Variants in CCDC57 observed in about 807,000 individuals in gnomAD.
CCDC57 encodes the protein coiled-coil domain containing 57.
A neutral mutation model predicts 118.9 loss-of-function variants in CCDC57; 118 were observed. The observed-to-expected ratio is 0.99, with a 90% CI of 0.86 to 1.16. The LOEUF (loss-of-function observed/expected upper bound fraction) is 1.16, where lower values mean the gene tolerates loss of function less well. Ranked by LOEUF, CCDC57 falls within the 50% of genes most tolerant of loss-of-function variation. The pLI, the probability that CCDC57 is intolerant of heterozygous loss-of-function variation, is 0.00. For missense variants in CCDC57, 1,300 were observed against 1,320.7 expected, an observed-to-expected ratio of 0.98 and a Z score of 0.24; for synonymous variants, 527 against 532.9, an observed-to-expected ratio of 0.99 and a Z score of 0.15.
Position 82,132,759 on chromosome 17 carries a change from C to CTTTTTTT in CCDC57, c.2577+1307_2577+1313dup, listed in dbSNP as rs71166188. 3.1e-4 allele frequency among the ~76,000 whole-genome samples: 39 copies of CTTTTTTT among 123,920 alleles called. 10 individuals are homozygous for CTTTTTTT. Among genetic ancestry groups the CTTTTTTT allele is most frequent in the Non-Finnish European group, 3.0e-4 (18 of 59,732 alleles). The allele number at this position is 123,920 out of a possible 152,430, so 81.3% of individuals were successfully genotyped here. ...TTATCTTTCTGTAGAGACAACCTTG[C>CTTTTTTT]TTTTTTTTTTTTTTTTTTGAGACGG... is the stretch of plus-strand genomic sequence containing the variant. On this transcript the variant is annotated intron_variant, in intron 17 of 19. Transcript: ENST00000665763.
chr17:82,153,243 G>T (rs2042280035), intron 15 of CCDC57, among the ~76,000 whole-genome samples: 1 of 152,314 alleles, frequency 6.6e-6, no homozygotes, highest in African/African-American at 2.4e-5. Flanking sequence ...GGGGAGAGGG[G>T]CCAGGCAGGT....
At chr17:82,177,244 C>T (rs568225230) in intron 11 of CCDC57, among the ~76,000 whole-genome samples, 3 of 152,196 alleles carry the variant, frequency 2.0e-5, no homozygotes, top group South Asian at 4.2e-4. Context: ...GGCATGGTGG[C>T]ACATGCCTGT....
chr17:82,111,078 ACTTT>A (rs1450916913), intron 19 of CCDC57, among the ~76,000 whole-genome samples: 1 of 151,708 alleles, frequency 6.6e-6, no homozygotes, highest in Non-Finnish European at 1.5e-5. Context: ...TCAAAGACAG[ACTTT>A]GTTTGTTTGT....
At chr17:82,196,038 C>T (rs907184595) in intron 4 of CCDC57, among the ~76,000 whole-genome samples, 7 of 152,224 alleles carry the variant, frequency 4.6e-5, no homozygotes, top group Non-Finnish European at 8.8e-5. Flanking sequence ...AGAAATTCGG[C>T]GTGGACAGCC....
rs565219835 is a variant in CCDC57 at position 82,207,349 on chromosome 17, A to C, written c.-9+498T>G. ...CCCTGTCTCAAAAATAAAAAAAAAA[A>C]AACAAAAAAGAAATTATGGTTTAGG... On this transcript the variant is annotated intron_variant, in intron 2 of 19. Coordinates refer to ENST00000665763, the Ensembl canonical transcript of CCDC57. Among the ~76,000 whole-genome samples the C allele has an allele frequency of 1.1e-3, 166 of 152,194 alleles. 1 individual carries two copies. Among genetic ancestry groups the C allele is most frequent in the African/African-American group, 3.7e-3 (153 of 41,522 alleles).
chr17:82,193,929 T>A (rs4789670), intron 6 of CCDC57, 53 bp downstream of exon 5: 1 of 1,580,990 alleles, frequency 6.3e-7, no homozygotes, highest in Non-Finnish European at 8.6e-7. Context: ...ACTCCAGTCC[T>A]GGCCTGCGAG....
At chr17:82,113,308 T>G (rs1302788341) in intron 19 of CCDC57, 1 of 673,882 alleles carries the variant, frequency 1.5e-6, no homozygotes, top group Non-Finnish European at 2.8e-6. Flanking sequence ...TCCTGTAGCT[T>G]CAGTGACAAG....
intron 19 of CCDC57, among the ~76,000 whole-genome samples, chr17:82,114,142 G>A (rs909395284): frequency 1.1e-4 from 17 of 152,154 alleles, no homozygotes; most frequent in Non-Finnish European, 1.9e-4. Context: ...CGTTCCCTGC[G>A]CGTTTACAGA....
chr17:82,107,326 C>T, intron 19 of CCDC57: 4 of 433,082 alleles, frequency 9.2e-6, no homozygotes, highest in South Asian at 6.5e-5. Flanking sequence ...TGGGGGGATG[C>T]ATGGCACAGT....
chr17:82,103,413 T>C (rs1199213967), intron 19 of CCDC57, among the ~76,000 whole-genome samples: 1 of 151,998 alleles, frequency 6.6e-6, no homozygotes, highest in Non-Finnish European at 1.5e-5. Context: ...TACCACCCTT[T>C]ATCTCTCAAC....
At chr17:82,193,854 G>A in intron 6 of CCDC57, 24 bp from the exon 6 acceptor site, 12 of 1,576,094 alleles carry the variant, frequency 7.6e-6, no homozygotes, top group Non-Finnish European at 1.0e-5. Context: ...AATATTTATG[G>A]AAGGAGCAAG....
chr17:82,150,871 TGGTGCACAC>T (rs2041885646), intron 16 of CCDC57, among the ~76,000 whole-genome samples: 1 of 65,600 alleles, frequency 1.5e-5, no homozygotes, highest in Admixed American at 2.0e-4. Flanking sequence ...ACCCAGAACC[TGGTGCACAC>T]CCAGAACCTG....
At chr17:82,140,380 C>A (rs1342256436) in intron 16 of CCDC57, among the ~76,000 whole-genome samples, 2 of 152,026 alleles carry the variant, frequency 1.3e-5, no homozygotes, top group East Asian at 3.9e-4. Flanking sequence ...GCCACCACGC[C>A]TGACCAATTT....
intron 11 of CCDC57, among the ~76,000 whole-genome samples, chr17:82,176,448 C>T (rs1005057533): frequency 1.3e-5 from 2 of 152,198 alleles, no homozygotes; most frequent in Non-Finnish European, 2.9e-5. Flanking sequence ...TATGCGAAAC[C>T]GTCACAGCTA....
intron 19 of CCDC57, chr17:82,106,534 C>T (rs1029824200): frequency 3.3e-5 from 5 of 152,288 alleles, no homozygotes; most frequent in African/African-American, 1.2e-4. Context: ...CCACACCCCA[C>T]CCTTCTCCTG....
chr17:82,107,052 C>CT (rs1012988251), intron 19 of CCDC57, among the ~76,000 whole-genome samples: 1 of 152,188 alleles, frequency 6.6e-6, no homozygotes, highest in Non-Finnish European at 1.5e-5. Context: ...GGGCGGACAG[C>CT]TGGGAAGGAG....
At chr17:82,205,635 G>C (rs537416558) in intron 2 of CCDC57, among the ~76,000 whole-genome samples, 1 of 152,074 alleles carries the variant, frequency 6.6e-6, no homozygotes, top group Non-Finnish European at 1.5e-5. Context: ...AGGACTCAGC[G>C]GGTCACCCTG....
At position 82,184,025 on chromosome 17, in the gene CCDC57, GCGCGCGCA is replaced by G. The variant is rs767892504; in HGVS notation, c.1053-101_1053-94del. ...CCCCAGCAAATACACATGCGCGCGC[GCGCGCGCA>G]CACACACACACACACACACACACAC... On this transcript the variant is annotated intron_variant, in intron 8 of 19. Coordinates refer to ENST00000665763, the Ensembl canonical transcript of CCDC57. 1,846 of 387,938 alleles carry G rather than the reference GCGCGCGCA, an allele frequency of 4.8e-3. 9 individuals are homozygous for G. Among genetic ancestry groups the G allele is most frequent in the African/African-American group, 0.027 (971 of 35,494 alleles). The allele number at this position is 387,938 out of a possible 1,614,324, so 24.0% of individuals were successfully genotyped here.
chr17:82,102,097 C>G (rs1472689225), intron 19 of CCDC57, among the ~76,000 whole-genome samples: 1 of 152,218 alleles, frequency 6.6e-6, no homozygotes, highest in Admixed American at 6.5e-5. Flanking sequence ...GGGACTGGGC[C>G]TGCCCCTCCA....
Sources: gnomAD v4.1 joint callset for allele counts (sites outside exome capture counted in the v4.1 genomes callset) on GRCh38, gnomAD v4.1.1 for gene constraint, MANE v1.5 for transcripts, NCBI Gene and HGNC (gene_info 2026-07-23, HGNC 2026-07-21) for gene names.